The following RSL24D1 variants were observed in gnomAD, a reference collection of about 807,000 sequenced individuals.
The protein encoded by RSL24D1 is probable ribosome biogenesis protein RLP24.
Under a neutral mutation model 26.2 loss-of-function variants are expected in RSL24D1, and 6 were observed. The observed-to-expected ratio is 0.23, with a 90% CI of 0.13 to 0.45. The LOEUF (loss-of-function observed/expected upper bound fraction) is 0.45, where lower values mean the gene tolerates loss of function less well. RSL24D1 is among the 20% of genes least tolerant of loss of function. The pLI, the probability that RSL24D1 is intolerant of heterozygous loss-of-function variation, is 0.99. For missense variants in RSL24D1, 176 were observed against 202.6 expected (o/e 0.87, Z 0.80); for synonymous variants, 61 against 59.1 (o/e 1.03, Z -0.15).
intron 3 of RSL24D1, among the ~76,000 whole-genome samples, chr15:55,190,132 C>G (rs1262968352): frequency 6.6e-6 from 1 of 151,824 alleles, no homozygotes; most frequent in African/African-American, 2.4e-5. Context: ...CCTGTAATCC[C>G]AGCTACCTGG....
chr15:55,188,358 T>C (rs1894246265), intron 3 of RSL24D1, among the ~76,000 whole-genome samples: 1 of 152,190 alleles, frequency 6.6e-6, no homozygotes, highest in Non-Finnish European at 1.5e-5. Context: ...GAAAAATCTA[T>C]TTTTAGGATC....
intron 5 of RSL24D1, 139 bp downstream of exon 5, chr15:55,183,176 G>A (rs979007223): frequency 5.0e-6 from 3 of 603,392 alleles, no homozygotes; most frequent in Non-Finnish European, 8.5e-6. Context: ...GAAATACACT[G>A]AATAAATTAC....
chr15:55,188,571 C>T (rs1894248962), intron 3 of RSL24D1, among the ~76,000 whole-genome samples: 1 of 152,108 alleles, frequency 6.6e-6, no homozygotes, highest in East Asian at 1.9e-4. Context: ...CTTTGTATGC[C>T]ACAGGCAGTG....
At chr15:55,195,703 A>C (rs1894347722) in intron 1 of RSL24D1, 1 of 152,286 alleles carries the variant, frequency 6.6e-6, no homozygotes, top group South Asian at 2.1e-4. Flanking sequence ...ACTTCTTATC[A>C]TGTTCCTGAG....
Position 55,191,337 on chromosome 15 carries a change from C to T in RSL24D1, c.196-290G>A, listed in dbSNP as rs539844911. Among the ~76,000 whole-genome samples the T allele has an allele frequency of 4.6e-5, 7 of 152,154 alleles. No individual in the cohort carries two copies. In the East Asian group the frequency reaches 1.4e-3, roughly 29 times the overall value. On this transcript the variant is annotated intron_variant, in intron 2 of 5. Coordinates refer to ENST00000260443, the MANE Select transcript of RSL24D1 (RefSeq NM_016304.3). ...TTATCAGGATTACAAACTGAAAAAC[C>T]TTCCCAATGTCCCATTCCCAGATAA...
intron 5 of RSL24D1, 44 bp from the exon 6 acceptor site, chr15:55,182,269 G>A (rs373778784): frequency 1.6e-6 from 2 of 1,213,078 alleles, no homozygotes. Flanking sequence ...AATTAAATGT[G>A]ACCTTACAGA....
chr15:55,187,504 T>A (rs1435962060), intron 3 of RSL24D1, among the ~76,000 whole-genome samples: 1 of 152,080 alleles, frequency 6.6e-6, no homozygotes, highest in Admixed American at 6.5e-5. Flanking sequence ...TAAGTGCCCA[T>A]CGACCAACAA....
rs911051238 is a variant in RSL24D1 at position 55,189,303 on chromosome 15, C to A, written c.268+1672G>T. 3.3e-5 allele frequency among the ~76,000 whole-genome samples: 5 copies of A among 151,904 alleles called. No homozygotes were observed. The East Asian group carries it at 7.7e-4, about 23-fold the overall frequency. On this transcript the variant is annotated intron_variant, in intron 3 of 5. Transcript: ENST00000260443. ...TCCTATAGTTAATCTCTTTAGAAATCCTTGAGTTTGAATAAGTGTTATTTC... is the reference window on the plus strand; with the variant it reads ...TCCTATAGTTAATCTCTTTAGAAATACTTGAGTTTGAATAAGTGTTATTTC...
intron 1 of RSL24D1, among the ~76,000 whole-genome samples, chr15:55,194,578 T>C (rs557632406): frequency 6.6e-6 from 1 of 152,290 alleles, no homozygotes; most frequent in East Asian, 1.9e-4. Context: ...TTCAAACCTT[T>C]CTTATTCCAC....
intron 1 of RSL24D1, chr15:55,196,603 G>T (rs1202279743): frequency 1.7e-6 from 1 of 600,554 alleles, no homozygotes; most frequent in Non-Finnish European, 3.0e-6. Flanking sequence ...GGGTGGCGTG[G>T]TGGCCAGCGC....
chr15:55,187,387 C>T (rs1345412265), intron 3 of RSL24D1, among the ~76,000 whole-genome samples: 2 of 151,996 alleles, frequency 1.3e-5, no homozygotes, highest in Non-Finnish European at 2.9e-5. Context: ...AAATCCCTTC[C>T]AAAGAATAAT....
At chr15:55,185,219 C>G (rs1894211767) in intron 4 of RSL24D1, 143 bp downstream of exon 4, 1 of 540,972 alleles carries the variant, frequency 1.8e-6, no homozygotes, top group Non-Finnish European at 3.3e-6. Context: ...GCAGAATATA[C>G]AAGAGTTCTT....
At chr15:55,184,650 C>T (rs1399393716) in intron 4 of RSL24D1, among the ~76,000 whole-genome samples, 2 of 152,110 alleles carry the variant, frequency 1.3e-5, no homozygotes, top group South Asian at 2.1e-4. Flanking sequence ...CCCCAAAATA[C>T]GTACTGATTA....
intron 3 of RSL24D1, 42 bp downstream of exon 3, chr15:55,190,933 C>T (rs752255296): frequency 8.4e-6 from 11 of 1,315,280 alleles, no homozygotes; most frequent in South Asian, 2.4e-5. Flanking sequence ...TTATCCCAAA[C>T]CAGTCTCTCC....
intron 3 of RSL24D1, among the ~76,000 whole-genome samples, chr15:55,188,755 G>T (rs1355047154): frequency 6.6e-6 from 1 of 152,192 alleles, no homozygotes; most frequent in Non-Finnish European, 1.5e-5. Context: ...AATTGTATAT[G>T]CAACTCTTTT....
At chr15:55,191,776 GCTA>G (rs1894300668) in intron 2 of RSL24D1, among the ~76,000 whole-genome samples, 4 of 152,094 alleles carry the variant, frequency 2.6e-5, no homozygotes, top group African/African-American at 9.7e-5. Context: ...TCTGGATTTG[GCTA>G]CTATTTCTTT....
At chr15:55,187,975 T>C (rs1894241395) in intron 3 of RSL24D1, among the ~76,000 whole-genome samples, 1 of 152,212 alleles carries the variant, frequency 6.6e-6, no homozygotes, top group African/African-American at 2.4e-5. Context: ...ACAATTCACC[T>C]GCAACACAGA....
At chr15:55,196,130 C>G (rs1033251914) in intron 1 of RSL24D1, among the ~76,000 whole-genome samples, 3 of 152,172 alleles carry the variant, frequency 2.0e-5, no homozygotes, top group Admixed American at 6.5e-5. Flanking sequence ...TTTACGTTTA[C>G]AGACTTATTA....
intron 5 of RSL24D1, among the ~76,000 whole-genome samples, chr15:55,182,601 G>A (rs1241638650): frequency 6.6e-6 from 1 of 152,070 alleles, no homozygotes; most frequent in Admixed American, 6.6e-5. Context: ...CCTCAAAGAG[G>A]ATTACCTAAA....
Sources: allele counts gnomAD v4.1 joint callset (sites outside exome capture counted in the v4.1 genomes callset), GRCh38; gene constraint gnomAD v4.1.1; transcripts MANE v1.5; gene names NCBI Gene and HGNC (gene_info 2026-07-23, HGNC 2026-07-21).